VTI1A: variants seen among roughly 807,000 people sequenced by gnomAD.
The protein encoded by VTI1A is vesicle transport through interaction with t-SNAREs homolog 1A.
A neutral mutation model predicts 34.9 loss-of-function variants in VTI1A; 22 were observed. The observed-to-expected ratio is 0.63, with a 90% CI of 0.45 to 0.90. The LOEUF (loss-of-function observed/expected upper bound fraction) is 0.90. Ranked by LOEUF, VTI1A falls within the 40% of genes least tolerant of loss-of-function variation. The pLI is 0.00. For missense variants in VTI1A, 268 were observed against 275.6 expected (o/e 0.97, Z 0.20); for synonymous variants, 87 against 97.3 (o/e 0.89, Z 0.62).
In VTI1A at chr10:112,735,471, AC is replaced by A. The variant is rs550203172; in HGVS notation, c.560+66474del. On this transcript the variant is annotated intron_variant, in intron 7 of 7. Coordinates refer to ENST00000393077, the MANE Select transcript of VTI1A (RefSeq NM_145206.4). ...GCTGAGAAGTAATTGAAAATCTGCAACTAATTACAAATTGGCAAGCTCTGAG... is the reference window on the plus strand; with the variant it reads ...GCTGAGAAGTAATTGAAAATCTGCAATAATTACAAATTGGCAAGCTCTGAG... Among the ~76,000 whole-genome samples, 454 of 152,370 alleles carry A rather than the reference AC, an allele frequency of 3.0e-3. 5 individuals are homozygous for A. The highest frequency in any genetic ancestry group is 0.028 in the Admixed American group (430 of 15,306).
chr10:112,497,145 T>C (rs1454512967), intron 3 of VTI1A, among the ~76,000 whole-genome samples: 1 of 151,932 alleles, frequency 6.6e-6, no homozygotes, highest in Non-Finnish European at 1.5e-5. Flanking sequence ...TGGTGAAACC[T>C]CATGTTTAAT....
chr10:112,686,515 T>C (rs1848420764), intron 7 of VTI1A, among the ~76,000 whole-genome samples: 1 of 152,114 alleles, frequency 6.6e-6, no homozygotes, highest in African/African-American at 2.4e-5. Context: ...GTTTTAACTG[T>C]TGGTATTTAA....
At chr10:112,801,647 T>C (rs1852880761) in intron 7 of VTI1A, among the ~76,000 whole-genome samples, 1 of 152,186 alleles carries the variant, frequency 6.6e-6, no homozygotes, top group Admixed American at 6.5e-5. Context: ...CTCACCCATA[T>C]GTTATGTAAA....
chr10:112,526,705 A>T (rs543753532), intron 3 of VTI1A, among the ~76,000 whole-genome samples: 1 of 151,938 alleles, frequency 6.6e-6, no homozygotes, highest in Non-Finnish European at 1.5e-5. Flanking sequence ...CTGCCACAAT[A>T]TTGAAAAAAA....
chr10:112,837,523 A>T, the VTI1A span, among the ~76,000 whole-genome samples: 1 of 152,014 alleles, frequency 6.6e-6, no homozygotes. Flanking sequence ...AGACAGCCCT[A>T]CCCTCCTGAG....
intron 1 of VTI1A, among the ~76,000 whole-genome samples, chr10:112,453,008 G>A (rs2134015840): frequency 6.6e-6 from 1 of 152,226 alleles, no homozygotes. Context: ...CTGGGACACT[G>A]TAAAACATTT....
chr10:112,745,663 C>T (rs1384414650), intron 7 of VTI1A, among the ~76,000 whole-genome samples: 1 of 152,204 alleles, frequency 6.6e-6, no homozygotes, highest in Non-Finnish European at 1.5e-5. Flanking sequence ...TGCTCACAGC[C>T]ACACCGATGC....
intron 7 of VTI1A, among the ~76,000 whole-genome samples, chr10:112,786,451 G>T (rs1053623147): frequency 5.3e-5 from 8 of 152,134 alleles, no homozygotes; most frequent in African/African-American, 1.2e-4. Flanking sequence ...ATGCCAGATT[G>T]CACTGGCTAG....
At chr10:112,700,127 A>C (rs956386443) in intron 7 of VTI1A, among the ~76,000 whole-genome samples, 11 of 140,214 alleles carry the variant, frequency 7.8e-5, no homozygotes, top group African/African-American at 2.6e-4. Context: ...CAAAAAAAAA[A>C]AAAAAAAACA....
rs913240184 is a variant in VTI1A at position 112,717,389 on chromosome 10, C to T, written c.560+48391C>T. Among the ~76,000 whole-genome samples, 22 of 152,194 alleles carry T rather than the reference C, an allele frequency of 1.4e-4. No individual in the cohort carries two copies. In the East Asian group the frequency reaches 2.9e-3, roughly 20 times the overall value. ...CAGCAGCAGTCTCTCAGGATTTTGGCGGGTTAGGAAAATCAGGGGTTGCTT... is the reference window on the plus strand; with the variant it reads ...CAGCAGCAGTCTCTCAGGATTTTGGTGGGTTAGGAAAATCAGGGGTTGCTT... On this transcript the variant is annotated intron_variant, in intron 7 of 7. Coordinates refer to ENST00000393077, the MANE Select transcript of VTI1A (RefSeq NM_145206.4).
In VTI1A at chr10:112,691,412, G is replaced by T. The variant is rs562105862; in HGVS notation, c.560+22414G>T. On this transcript the variant is annotated intron_variant, in intron 7 of 7. Transcript: ENST00000393077. The stretch of plus-strand genomic sequence containing the variant: ...CTAAACTCAGTTCTACTGCCAACTA[G>T]CTATGTGACTTTGGACAAATCACTT... 2.6e-5 allele frequency among the ~76,000 whole-genome samples: 4 copies of T among 152,254 alleles called. No homozygotes were observed. In the South Asian group the frequency reaches 8.3e-4, roughly 32 times the overall value.
Position 112,563,119 on chromosome 10 carries a change from G to A in VTI1A, c.427+24789G>A, listed in dbSNP as rs961408499. Among the ~76,000 whole-genome samples, 6 of 152,058 alleles carry A rather than the reference G, an allele frequency of 3.9e-5. No homozygotes were observed. The South Asian group carries it at 6.2e-4, about 16-fold the overall frequency. ...GCTAATTCCATTGTCACGTGTTTAC[G>A]GCTTAATTTTAATCAGTTAAAAAAG... On this transcript the variant is annotated intron_variant, in intron 5 of 7. Transcript: ENST00000393077.
intron 7 of VTI1A, among the ~76,000 whole-genome samples, chr10:112,797,095 G>C (rs1852700069): frequency 6.6e-6 from 1 of 152,106 alleles, no homozygotes; most frequent in Admixed American, 6.6e-5. Flanking sequence ...ATTATCACTG[G>C]AAAGGGGAAC....
At chr10:112,660,059 T>G (rs1196049725) in intron 5 of VTI1A, among the ~76,000 whole-genome samples, 37 of 152,180 alleles carry the variant, frequency 2.4e-4, no homozygotes, top group Admixed American at 2.4e-3. Context: ...CGTGCTCTAG[T>G]TTTCTTATAT....
At chr10:112,472,926 T>A (rs1048809148) in intron 3 of VTI1A, among the ~76,000 whole-genome samples, 5 of 151,812 alleles carry the variant, frequency 3.3e-5, no homozygotes, top group African/African-American at 1.2e-4. Flanking sequence ...TGATTCTGTG[T>A]AAATATAATA....
intron 7 of VTI1A, among the ~76,000 whole-genome samples, chr10:112,781,198 G>A (rs1050329036): frequency 6.6e-6 from 1 of 152,014 alleles, no homozygotes; most frequent in African/African-American, 2.4e-5. Flanking sequence ...ACCCGCCTCG[G>A]CCTCCCAGAG....
At chr10:112,739,145 G>A (rs961233834) in intron 7 of VTI1A, among the ~76,000 whole-genome samples, 2 of 152,182 alleles carry the variant, frequency 1.3e-5, no homozygotes, top group South Asian at 2.1e-4. Flanking sequence ...ATACTTGTGT[G>A]TGTGGAGAGC....
intron 5 of VTI1A, among the ~76,000 whole-genome samples, chr10:112,640,372 C>T (rs573883110): frequency 6.6e-5 from 10 of 152,236 alleles, no homozygotes; most frequent in South Asian, 2.1e-4. Flanking sequence ...CAGAAACAAT[C>T]GCAGTCAGTT....
At chr10:112,801,131 G>A (rs1038394726) in intron 7 of VTI1A, among the ~76,000 whole-genome samples, 5 of 152,164 alleles carry the variant, frequency 3.3e-5, no homozygotes, top group Admixed American at 6.5e-5. Context: ...AGTGGGGGTG[G>A]AGAACCTTCT....
Sources: allele counts gnomAD v4.1 joint callset (sites outside exome capture counted in the v4.1 genomes callset), GRCh38; gene constraint gnomAD v4.1.1; transcripts MANE v1.5; gene names NCBI Gene and HGNC (gene_info 2026-07-23, HGNC 2026-07-21).